MSLN: variants seen among roughly 807,000 people sequenced by gnomAD.
MSLN encodes the protein CAK1 antigen.
MSLN carries 82 observed loss-of-function variants against 72.6 expected under a neutral mutation model. That is an observed-to-expected ratio of 1.13 (90% CI 0.94 to 1.36). MSLN has a LOEUF of 1.36. MSLN is among the 40% of genes most tolerant of loss of function. MSLN has a pLI of 0.00. For missense variants in MSLN, 1,005 were observed against 847.9 expected, an observed-to-expected ratio of 1.19 and a Z score of -2.30; for synonymous variants, 456 against 387.3, an observed-to-expected ratio of 1.18 and a Z score of -2.08.
chr16:766,275 C>T (rs368245020), intron 12 of MSLN, 38 bp downstream of exon 12: 10 of 1,609,938 alleles, frequency 6.2e-6, no homozygotes, highest in Non-Finnish European at 8.5e-6. Context: ...CCTGCTGTGT[C>T]CAAGCCATCC....
intron 2 of MSLN, among the ~76,000 whole-genome samples, chr16:762,131 C>T (rs938746672): frequency 1.3e-5 from 2 of 152,168 alleles, no homozygotes; most frequent in African/African-American, 4.8e-5. Context: ...GGCCAAGTGG[C>T]CCAAAAAGAC....
intron 14 of MSLN, 32 bp downstream of exon 14, chr16:766,842 G>T: frequency 6.2e-7 from 1 of 1,612,246 alleles, no homozygotes; most frequent in Non-Finnish European, 8.5e-7. Context: ...CGGCAAGGTG[G>T]GTCCGTGTGC....
rs751177660 is a variant in MSLN at position 768,445 on chromosome 16, C to T, written c.1663C>T (p.Arg555Trp). 1.8e-5 allele frequency: 27 copies of T among 1,529,116 alleles called. No homozygotes were observed. The highest frequency in any genetic ancestry group is 4.1e-5 in the Admixed American group (2 of 49,042). The allele number at this position is 1,529,116 out of a possible 1,614,324, so 94.7% of individuals were successfully genotyped here. ...PHVEGLKAEERHRPVRDWILR... is the reference protein window; with the variant it reads ...PHVEGLKAEEWHRPVRDWILR... ...CGTGGAGGGCCTGAAGGCGGAGGAGCGGCACCGCCCGGTGCGGGACTGGAT... is the reference window on the plus strand; with the variant it reads ...CGTGGAGGGCCTGAAGGCGGAGGAGTGGCACCGCCCGGTGCGGGACTGGAT... The change falls in exon 17 of 18, where the codon CGG (arginine) becomes TGG (tryptophan). Residue 555 changes from arginine to tryptophan, a missense_variant. Arg to Trp is a moderately radical substitution (Grantham distance 101). Coordinates refer to ENST00000545450, the MANE Select transcript of MSLN (RefSeq NM_005823.6).
chr16:765,421 C>T (rs2041593556), intron 9 of MSLN, 106 bp from the exon 10 acceptor site: 1 of 1,410,358 alleles, frequency 7.1e-7, no homozygotes, highest in Non-Finnish European at 9.5e-7. Flanking sequence ...ACCACCCCTG[C>T]CAATGCCCCC....
In MSLN at chr16:766,895, C is replaced by G. The variant is rs752554360; in HGVS notation, c.1384C>G (p.Pro462Ala). The G allele has an allele frequency of 6.2e-7, 1 of 1,612,572 alleles. No homozygotes were observed. The highest frequency in any genetic ancestry group is 1.1e-5 in the South Asian group (1 of 91,082). ...CCACCGTGTCCCCAGGGCGGTCAGG[C>G]CCCAGGACCTGGACACGTGTGACCC... is the stretch of plus-strand genomic sequence containing the variant. The part of the protein sequence containing the change: ...VPPSSIWAVR[P>A]QDLDTCDPRQ... Residue 462 changes from proline to alanine, a missense_variant, in exon 15 of 18, where the codon CCC becomes GCC. Coordinates refer to ENST00000545450, the MANE Select transcript of MSLN (RefSeq NM_005823.6).
chr16:761,845 C>T (rs2041540397), intron 2 of MSLN, among the ~76,000 whole-genome samples: 1 of 152,230 alleles, frequency 6.6e-6, no homozygotes, highest in South Asian at 2.1e-4. Flanking sequence ...GTGGGTGGAC[C>T]CACCGGGCCT....
intron 13 of MSLN, 52 bp from the exon 14 acceptor site, chr16:766,616 G>A (rs866260720): frequency 6.8e-6 from 11 of 1,611,176 alleles, no homozygotes; most frequent in Middle Eastern, 3.3e-4. Context: ...TGCTGGTGGT[G>A]GAGGGATACA....
At chr16:768,241 C>T (rs899148812) in intron 16 of MSLN, 138 bp from the exon 17 acceptor site, 12 of 825,132 alleles carry the variant, frequency 1.5e-5, no homozygotes, top group South Asian at 4.7e-5. Context: ...GGTCAGCTGG[C>T]CGGAGACCTC....
Position 763,328 on chromosome 16 carries a change from G to A in MSLN, c.129+52G>A, listed in dbSNP as rs1351890303. The A allele has an allele frequency of 2.2e-6, 3 of 1,389,502 alleles. No individual in the cohort carries two copies. In the African/African-American group the frequency reaches 4.4e-5, roughly 20 times the overall value. 86.1% of individuals were successfully genotyped at this position (1,389,502 alleles called of 1,614,324 possible). ...GAGGGTCTTCAGGTCCCAGGTGGGGGTGCCATGCTGTGTTCTCTCTGTCAC... is the reference window on the plus strand; with the variant it reads ...GAGGGTCTTCAGGTCCCAGGTGGGGATGCCATGCTGTGTTCTCTCTGTCAC... On this transcript the variant is annotated intron_variant, in intron 4 of 17. Transcript: ENST00000545450.
At chr16:763,526 C>A in intron 4 of MSLN, 116 bp from the exon 5 acceptor site, 1 of 1,082,294 alleles carries the variant, frequency 9.2e-7, no homozygotes, top group East Asian at 2.6e-5. Flanking sequence ...TGAGACACAG[C>A]CAGGCCTGGG....
chr16:767,926 GCAC>G (rs2041653964), intron 16 of MSLN, among the ~76,000 whole-genome samples: 1 of 25,688 alleles, frequency 3.9e-5, no homozygotes, highest in Non-Finnish European at 6.2e-5. Context: ...CGTGGAGGGG[GCAC>G]GTGGAGGGGT....
chr16:766,992 T>C lies in MSLN; in HGVS notation c.1481T>C (p.Val494Ala), dbSNP rs369862945. The change falls in exon 15 of 18, where the codon GTG (valine) becomes GCG (alanine). Residue 494 changes from valine to alanine, a missense_variant. Physicochemically the swap from Val to Ala is moderately conservative, Grantham distance 64. Transcript: ENST00000545450. ...FQNMNGSEYF[V>A]KIQSFLGGAP... is the part of the protein sequence containing the mutation. ...AACATGAACGGGTCCGAATACTTCG[T>C]GAAGATCCAGTCCTTCCTGGGTGAG... 16 of 1,612,456 alleles carry C rather than the reference T, an allele frequency of 9.9e-6. No homozygotes were observed. The highest frequency in any genetic ancestry group is 1.4e-5 in the Non-Finnish European group (16 of 1,179,858).
At chr16:764,436 G>A (rs2041576860) in intron 6 of MSLN, among the ~76,000 whole-genome samples, 1 of 152,190 alleles carries the variant, frequency 6.6e-6, no homozygotes, top group Non-Finnish European at 1.5e-5. Context: ...CTTTTTCGGG[G>A]GAGTGGGTGA....
chr16:761,572 C>T (rs1035554828), intron 2 of MSLN, among the ~76,000 whole-genome samples: 1 of 152,186 alleles, frequency 6.6e-6, no homozygotes, highest in Non-Finnish European at 1.5e-5. Context: ...ACGTTTCCCT[C>T]CTGGCTTCAC....
chr16:766,151 G>A lies in MSLN; in HGVS notation c.988G>A (p.Ala330Thr). Reference protein sequence around the residue: ...KWELEACVDAALLATQMDRVN... With the variant: ...KWELEACVDATLLATQMDRVN... ...GGAGCTGGAAGCCTGCGTGGATGCG[G>A]CCCTGCTGGCCACCCAGATGGACCG... is the stretch of plus-strand genomic sequence containing the variant. The change falls in exon 12 of 18, where the codon GCC (alanine) becomes ACC (threonine). Residue 330 changes from alanine (A) to threonine (T), a missense_variant. Ala to Thr is a moderately conservative substitution (Grantham distance 58, BLOSUM62 0). Coordinates refer to ENST00000545450, the MANE Select transcript of MSLN (RefSeq NM_005823.6). 6.2e-7 allele frequency: 1 copy of A among 1,612,748 alleles called. No individual in the cohort carries two copies.
rs1452195533 is a variant in MSLN, at chr16:766,738, C to T, written c.1301C>T (p.Thr434Ile). ...GACAAAGACACCCTAGACACCCTGACCGCCTTCTACCCTGGGTACCTGTGC... is the reference window on the plus strand; with the variant it reads ...GACAAAGACACCCTAGACACCCTGATCGCCTTCTACCCTGGGTACCTGTGC... The part of the protein sequence containing the change: ...QLDKDTLDTL[T>I]AFYPGYLCSL... Residue 434 changes from threonine to isoleucine, a missense_variant, in exon 14 of 18, where the codon ACC (threonine) becomes ATC (isoleucine). Physicochemically the swap from Thr to Ile is moderately conservative, Grantham distance 89 (BLOSUM62 -1). Coordinates refer to ENST00000545450, the MANE Select transcript of MSLN (RefSeq NM_005823.6). The T allele has an allele frequency of 3.1e-6, 5 of 1,612,678 alleles. No individual in the cohort carries two copies. Among genetic ancestry groups the T allele is most frequent in the East Asian group, 2.2e-5 (1 of 44,864 alleles).
At chr16:763,307 G>C in intron 4 of MSLN, 31 bp downstream of exon 4, 2 of 1,517,702 alleles carry the variant, frequency 1.3e-6, no homozygotes, top group Non-Finnish European at 1.8e-6. Context: ...ACAGGGGAGG[G>C]TCTTCAGGTC....
chr16:763,897 G>A lies in MSLN; in HGVS notation c.180-126G>A, dbSNP rs370661868. 454 of 1,290,050 alleles carry A rather than the reference G, an allele frequency of 3.5e-4. 8 individuals are homozygous for A. The East Asian group carries it at 0.01, about 29-fold the overall frequency. 79.9% of individuals were successfully genotyped at this position (1,290,050 alleles called of 1,614,324 possible). ...GCCCTTGAGGGCGTCACCTGGTCTT[G>A]GGGGGAGGTCTGCAGGGAGCACCAG... On this transcript the variant is annotated intron_variant, in intron 5 of 17. Coordinates refer to ENST00000545450, the MANE Select transcript of MSLN (RefSeq NM_005823.6).
At chr16:761,835 G>A (rs954226761) in intron 2 of MSLN, among the ~76,000 whole-genome samples, 5 of 152,246 alleles carry the variant, frequency 3.3e-5, no homozygotes, top group Admixed American at 2.0e-4. Flanking sequence ...TTTCTGAGCT[G>A]TGGGTGGACC....
Sources: allele counts gnomAD v4.1 joint callset (sites outside exome capture counted in the v4.1 genomes callset), GRCh38; gene constraint gnomAD v4.1.1; transcripts MANE v1.5; gene names NCBI Gene and HGNC (gene_info 2026-07-23, HGNC 2026-07-21).